The following AP1S2 variants were observed in gnomAD, a reference collection of about 807,000 sequenced individuals.
The protein encoded by AP1S2 is AP-1 complex subunit sigma-2.
AP1S2 carries 1 observed loss-of-function variant against 14.3 expected under a neutral mutation model. The ratio of observed to expected loss-of-function variants is 0.07; its 90% CI spans 0.02 to 0.33. AP1S2 has a LOEUF of 0.33. AP1S2 is among the 10% of genes least tolerant of loss of function. The pLI is 0.99. For missense variants in AP1S2, 30 were observed against 117.7 expected (o/e 0.25, Z 3.45); for synonymous variants, 30 against 40.5 (o/e 0.74, Z 0.99).
intron 4 of AP1S2, among the ~76,000 whole-genome samples, chrX:15,834,439 A>AATATAT (rs1161066866): frequency 0.02 from 511 of 25,041 alleles, 27 homozygotes; most frequent in East Asian, 0.032. Context: ...TCCCTTCCAA[A>AATATAT]ATATATATAT....
chrX:15,847,304 G>A (rs1234093857), intron 2 of AP1S2, among the ~76,000 whole-genome samples: 2 of 91,014 alleles, frequency 2.2e-5, no homozygotes, highest in Non-Finnish European at 4.3e-5. Flanking sequence ...TTTCATCCTT[G>A]ATCACAGATT....
At position 15,854,808 on chromosome X, in the gene AP1S2, T is replaced by A; in HGVS notation, c.-121A>T. On this transcript the variant is annotated 5_prime_UTR_variant, in exon 1 of 6. Coordinates refer to ENST00000672987, the MANE Select transcript of AP1S2 (RefSeq NM_001272071.2). ...TGGTGCTGTGGGGAGGACACCCGGC[T>A]GGCATAGGGCAGGCTTAGGCGGAGA... 1 of 791,609 alleles carries A rather than the reference T, an allele frequency of 1.3e-6. No individual in the cohort carries two copies. Among genetic ancestry groups the A allele is most frequent in the Non-Finnish European group, 1.5e-6 (1 of 663,305 alleles). 65.2% of individuals were successfully genotyped at this position (791,609 alleles called of 1,213,427 possible). A position where few individuals can be genotyped will look rare whatever the true frequency, so the allele number is the denominator to read the frequency against.
intron 4 of AP1S2, among the ~76,000 whole-genome samples, chrX:15,837,960 AT>A (rs1933702382): frequency 9.0e-6 from 1 of 110,985 alleles, no homozygotes; most frequent in Admixed American, 9.6e-5. Context: ...TCCTTTCTTG[AT>A]TTTTTGCATT....
In AP1S2 at chrX:15,838,653, A is replaced by G. The variant is rs182146360; in HGVS notation, c.426+6726T>C. On this transcript the variant is annotated intron_variant, in intron 4 of 5. Transcript: ENST00000672987. ...AAGCGGAAAATCCTCAAAATTTTGAAAAGTATGAAAAGAAAAAAGGCTCAA... is the reference window on the plus strand; with the variant it reads ...AAGCGGAAAATCCTCAAAATTTTGAGAAGTATGAAAAGAAAAAAGGCTCAA... Among the ~76,000 whole-genome samples, 11 of 111,337 alleles carry G rather than the reference A, an allele frequency of 9.9e-5. No homozygotes were observed. In the East Asian group the frequency reaches 3.1e-3, roughly 31 times the overall value.
At chrX:15,828,918 A>C (rs1933344798) in intron 4 of AP1S2, among the ~76,000 whole-genome samples, 1 of 111,664 alleles carries the variant, frequency 9.0e-6, no homozygotes, top group Admixed American at 9.6e-5. Flanking sequence ...TTTTCAGACA[A>C]TTAGGAAAAA....
intron 2 of AP1S2, among the ~76,000 whole-genome samples, chrX:15,850,536 A>C (rs1204279663): frequency 9.7e-6 from 1 of 102,593 alleles, no homozygotes. Context: ...TTTTTTTTTT[A>C]ATTGTAGAGA....
At chrX:15,834,478 A>ATG (rs1933556900) in intron 4 of AP1S2, among the ~76,000 whole-genome samples, 1 of 25,465 alleles carries the variant, frequency 3.9e-5, no homozygotes, top group South Asian at 2.4e-3. Flanking sequence ...ATATATATAT[A>ATG]TAATTTTTTT....
chrX:15,827,459 T>G (rs1318943101), intron 5 of AP1S2, 87 bp from the exon 6 acceptor site: 1 of 895,839 alleles, frequency 1.1e-6, no homozygotes, highest in Non-Finnish European at 1.6e-6. Context: ...CATGCTTGTT[T>G]TAGAGAATCA....
intron 4 of AP1S2, among the ~76,000 whole-genome samples, chrX:15,828,484 C>T (rs765535860): frequency 9.0e-6 from 1 of 111,635 alleles, no homozygotes; most frequent in East Asian, 2.8e-4. Context: ...TATTATTAAA[C>T]GCAAGTACTA....
chrX:15,836,842 G>A (rs1474269319), intron 4 of AP1S2, among the ~76,000 whole-genome samples: 1 of 112,065 alleles, frequency 8.9e-6, no homozygotes, highest in African/African-American at 3.2e-5. Flanking sequence ...CCATGGTGGT[G>A]CCACTGCATT....
intron 4 of AP1S2, among the ~76,000 whole-genome samples, chrX:15,840,285 CTG>C (rs1344293119): frequency 1.8e-5 from 2 of 112,184 alleles, no homozygotes; most frequent in African/African-American, 6.5e-5. Flanking sequence ...CAAAATGATG[CTG>C]TTAGTATAAA....
chrX:15,850,844 T>C (rs1467309467), intron 2 of AP1S2, among the ~76,000 whole-genome samples: 2 of 111,600 alleles, frequency 1.8e-5, no homozygotes, highest in Non-Finnish European at 3.8e-5. Context: ...CTGTTTAAAA[T>C]CTTTGCCTCT....
chrX:15,854,616 C>A (rs1320858587), intron 1 of AP1S2, 72 bp downstream of exon 1: 1 of 468,023 alleles, frequency 2.1e-6, no homozygotes, highest in African/African-American at 2.7e-5. Context: ...CGCGGGGTGG[C>A]GGGGGGCGCG....
intron 2 of AP1S2, among the ~76,000 whole-genome samples, chrX:15,847,163 A>T (rs890315629): frequency 8.9e-6 from 1 of 112,039 alleles, no homozygotes; most frequent in African/African-American, 3.2e-5. Flanking sequence ...ATACAGAATA[A>T]CACAACCTGT....
At chrX:15,845,136 G>A (rs1933961741) in intron 4 of AP1S2, 2 of 752,062 alleles carry the variant, frequency 2.7e-6, no homozygotes, top group African/African-American at 4.6e-5. Context: ...CAGTGTTTTA[G>A]GGTCCAAAAA....
At chrX:15,837,233 C>T (rs1933670241) in intron 4 of AP1S2, among the ~76,000 whole-genome samples, 1 of 111,919 alleles carries the variant, frequency 8.9e-6, no homozygotes, top group Non-Finnish European at 1.9e-5. Context: ...CTAAGTAAAA[C>T]CTTTAAGGCT....
In AP1S2 at chrX:15,827,338, A is replaced by G. The variant is rs1163123735; in HGVS notation, c.470T>C (p.Ile157Thr). The G allele has an allele frequency of 9.1e-6, 11 of 1,209,551 alleles. No homozygotes were observed. The highest frequency in any genetic ancestry group is 2.3e-4 in the Middle Eastern group (1 of 4,342). The change falls in exon 6 of 6, where the codon ATT (isoleucine) becomes ACT (threonine). Residue 157 changes from isoleucine to threonine, a missense_variant. Physicochemically the swap from Ile to Thr is moderately conservative, Grantham distance 89. Around this residue, in one of 3 missense-constraint regions of AP1S2, gnomAD observed 14 missense variants for 24.0 expected, o/e 0.58. Coordinates refer to ENST00000672987, the MANE Select transcript of AP1S2 (RefSeq NM_001272071.2). ...AETPRSVLEE[I>T]GLT ...AAGGGAGGAGAGTTATGTCAGTCCAATTTCTTCAAGAACACTACGTGGGGT... is the reference window on the plus strand; with the variant it reads ...AAGGGAGGAGAGTTATGTCAGTCCAGTTTCTTCAAGAACACTACGTGGGGT...
chrX:15,834,481 A>ATATAAT (rs1569080380), intron 4 of AP1S2, among the ~76,000 whole-genome samples: 204 of 12,975 alleles, frequency 0.016, 4 homozygotes, highest in Middle Eastern at 0.091. Flanking sequence ...TATATATATA[A>ATATAAT]TTTTTTTTTT....
chrX:15,845,051 A>C, intron 4 of AP1S2: 3 of 750,128 alleles, frequency 4.0e-6, no homozygotes, highest in Non-Finnish European at 4.7e-6. Flanking sequence ...ATAGATGGAG[A>C]GTTCTCAACT....
Sources: gnomAD v4.1 joint callset for allele counts (sites outside exome capture counted in the v4.1 genomes callset) on GRCh38, gnomAD v4.1.1 for gene constraint, gnomAD v4.1.1 regional missense constraint, MANE v1.5 for transcripts, NCBI Gene and HGNC (gene_info 2026-07-23, HGNC 2026-07-21) for gene names.